Variants in GLIS3 observed in about 807,000 individuals in gnomAD.
GLIS3 encodes the protein GLIS family zinc finger 3.
Under a neutral mutation model 78.6 loss-of-function variants are expected in GLIS3, and 53 were observed. The ratio of observed to expected loss-of-function variants is 0.67; its 90% CI spans 0.54 to 0.85. The LOEUF (loss-of-function observed/expected upper bound fraction) is 0.85, where lower values mean the gene tolerates loss of function less well. GLIS3 is among the 40% of genes least tolerant of loss of function. GLIS3 has a pLI of 0.00. For missense variants in GLIS3, 1,703 were observed against 1,231.1 expected (o/e 1.38, Z -5.74); for synonymous variants, 684 against 509.9 (o/e 1.34, Z -4.60).
rs535423983 is a variant in GLIS3 at position 4,139,719 on chromosome 9, A to C, written c.389-13778T>G. 3.3e-4 allele frequency among the ~76,000 whole-genome samples: 50 copies of C among 152,294 alleles called. 1 individual carries two copies. In the South Asian group the frequency reaches 1.0e-2, roughly 30 times the overall value. ...GGATGAAACTGTTCCACCTCAGATC[A>C]TCAGGCATTATAATTAGATTCTCGT... is the stretch of plus-strand genomic sequence containing the variant. On this transcript the variant is annotated intron_variant, in intron 2 of 10. Transcript: ENST00000381971.
At chr9:4,102,953 G>C (rs57544885) in intron 4 of GLIS3, among the ~76,000 whole-genome samples, 196 of 151,800 alleles carry the variant, frequency 1.3e-3, no homozygotes, top group African/African-American at 3.8e-3. Context: ...GGAGGCAATA[G>C]AAAGGAAAAA....
intron 4 of GLIS3, among the ~76,000 whole-genome samples, chr9:4,003,430 C>T (rs765548809): frequency 6.6e-6 from 1 of 152,150 alleles, no homozygotes; most frequent in Non-Finnish European, 1.5e-5. Context: ...GAACTTGAGT[C>T]CCTCTTACCA....
chr9:4,114,251 G>C (rs569555516), intron 4 of GLIS3, among the ~76,000 whole-genome samples: 10 of 152,128 alleles, frequency 6.6e-5, no homozygotes, highest in Non-Finnish European at 1.5e-4. Context: ...CCCAACCATT[G>C]CACAGTCTTC....
chr9:4,203,356 G>C (rs894442652), intron 2 of GLIS3, among the ~76,000 whole-genome samples: 3 of 152,184 alleles, frequency 2.0e-5, no homozygotes, highest in African/African-American at 7.2e-5. Context: ...TGGAGAAAAG[G>C]GAATGCTTAT....
the GLIS3 span, among the ~76,000 whole-genome samples, chr9:4,383,971 T>C: frequency 6.6e-5 from 10 of 152,248 alleles, no homozygotes; most frequent in Non-Finnish European, 1.3e-4. Flanking sequence ...CTTACAGCCT[T>C]AAATATCCAT....
At chr9:4,364,035 C>T in the GLIS3 span, among the ~76,000 whole-genome samples, 1 of 152,174 alleles carries the variant, frequency 6.6e-6, no homozygotes, top group Non-Finnish European at 1.5e-5. Flanking sequence ...AGCATATAAT[C>T]CCTATAGAGA....
In GLIS3 at chr9:3,879,350, G is replaced by C. The variant is rs780526946; in HGVS notation, c.2297+77C>G. 33 of 1,388,906 alleles carry C rather than the reference G, an allele frequency of 2.4e-5. No individual in the cohort carries two copies. In the Admixed American group the frequency reaches 3.9e-4, roughly 16 times the overall value. 86.0% of individuals were successfully genotyped at this position (1,388,906 alleles called of 1,614,324 possible). ...ACCAACGGATTATTAATAAAATTCA[G>C]CAACTGTCAAGGCACTTGTCTGTGA... On this transcript the variant is annotated intron_variant, in intron 8 of 10. Coordinates refer to ENST00000381971, the MANE Select transcript of GLIS3 (RefSeq NM_001042413.2).
chr9:4,284,227 C>G (rs1827793395), intron 2 of GLIS3, among the ~76,000 whole-genome samples: 2 of 152,188 alleles, frequency 1.3e-5, no homozygotes, highest in African/African-American at 2.4e-5. Context: ...TGAGGAATAA[C>G]TGAGACTACG....
chr9:4,390,964 T>G, the GLIS3 span, among the ~76,000 whole-genome samples: 4 of 152,230 alleles, frequency 2.6e-5, no homozygotes, highest in Non-Finnish European at 5.9e-5. Flanking sequence ...ATTGGGGCCT[T>G]TGAGAAAGTA....
chr9:4,206,355 C>A (rs536037143), intron 2 of GLIS3, among the ~76,000 whole-genome samples: 1 of 152,342 alleles, frequency 6.6e-6, no homozygotes, highest in African/African-American at 2.4e-5. Context: ...CACAGGATCT[C>A]TTTCACCAAA....
At chr9:3,941,322 A>G (rs916662303) in intron 4 of GLIS3, among the ~76,000 whole-genome samples, 3 of 152,134 alleles carry the variant, frequency 2.0e-5, no homozygotes, top group Non-Finnish European at 4.4e-5. Context: ...TCCATCTCTT[A>G]CTGGAGACTC....
At chr9:3,900,459 G>C (rs1823207485) in intron 6 of GLIS3, among the ~76,000 whole-genome samples, 1 of 120,704 alleles carries the variant, frequency 8.3e-6, no homozygotes, top group Non-Finnish European at 1.7e-5. Flanking sequence ...TAAGGAAATA[G>C]CCAGAGGTGT....
At chr9:4,113,049 A>G (rs2130852498) in intron 4 of GLIS3, among the ~76,000 whole-genome samples, 1 of 152,122 alleles carries the variant, frequency 6.6e-6, no homozygotes, top group East Asian at 1.9e-4. Flanking sequence ...GAACTATATA[A>G]TATTGCCCGG....
At chr9:4,060,008 AG>A in intron 4 of GLIS3, among the ~76,000 whole-genome samples, 1 of 152,140 alleles carries the variant, frequency 6.6e-6, no homozygotes, top group Non-Finnish European at 1.5e-5. Context: ...CCTACTTTTA[AG>A]GCATGTTGAA....
At chr9:4,366,565 AT>A in the GLIS3 span, among the ~76,000 whole-genome samples, 269 of 152,288 alleles carry the variant, frequency 1.8e-3, 1 homozygote, top group Non-Finnish European at 2.8e-3. Context: ...CAATTCATGA[AT>A]TTTAAAAACC....
chr9:4,017,804 G>A (rs372152952), intron 4 of GLIS3, among the ~76,000 whole-genome samples: 5 of 152,226 alleles, frequency 3.3e-5, no homozygotes, highest in African/African-American at 7.2e-5. Flanking sequence ...ATTGAAGGAC[G>A]GGCACTAAGT....
At chr9:4,355,009 G>A in the GLIS3 span, among the ~76,000 whole-genome samples, 9 of 152,044 alleles carry the variant, frequency 5.9e-5, no homozygotes, top group Non-Finnish European at 8.8e-5. Flanking sequence ...CCAGGTACTC[G>A]GGAGGCTGAA....
the GLIS3 span, among the ~76,000 whole-genome samples, chr9:4,459,238 G>C: frequency 6.6e-6 from 1 of 152,178 alleles, no homozygotes; most frequent in Non-Finnish European, 1.5e-5. Context: ...TATATGTGAA[G>C]GTTGTCAGCA....
intron 1 of GLIS3, among the ~76,000 whole-genome samples, chr9:4,291,427 T>C (rs544298690): frequency 4.7e-4 from 72 of 152,250 alleles, no homozygotes; most frequent in Non-Finnish European, 8.4e-4. Context: ...ATCAGAGATA[T>C]AAATGTTTTA....
Sources: gnomAD v4.1 joint callset for allele counts (sites outside exome capture counted in the v4.1 genomes callset) on GRCh38, gnomAD v4.1.1 for gene constraint, MANE v1.5 for transcripts, NCBI Gene and HGNC (gene_info 2026-07-23, HGNC 2026-07-21) for gene names.